The following CNTNAP2 variants were observed in gnomAD, a reference collection of about 807,000 sequenced individuals.
CNTNAP2 encodes the protein contactin associated protein 2, also known as contactin-associated protein-like 2.
A neutral mutation model predicts 155.2 loss-of-function variants in CNTNAP2; 98 were observed. That is an observed-to-expected ratio of 0.63 (90% CI 0.54 to 0.75). The LOEUF is 0.75. Ranked by LOEUF, CNTNAP2 falls within the 30% of genes least tolerant of loss-of-function variation. The pLI is 0.00. For synonymous variants in CNTNAP2, 651 were observed against 631.2 expected (o/e 1.03, Z -0.47); for missense variants, 1,727 against 1,688.1 (o/e 1.02, Z -0.40).
intron 1 of CNTNAP2, among the ~76,000 whole-genome samples, chr7:146,548,661 A>G (rs2693394): frequency 0.84 from 126,944 of 151,928 alleles, 53,631 homozygotes; most frequent in South Asian, 0.91. Context: ...GGTCAAGTCC[A>G]TAGCTCATTT....
intron 1 of CNTNAP2, among the ~76,000 whole-genome samples, chr7:146,490,505 G>C (rs902860377): frequency 2.0e-5 from 3 of 152,214 alleles, no homozygotes; most frequent in Non-Finnish European, 4.4e-5. Flanking sequence ...AGTAAAGGCT[G>C]ATAAATGTTT....
chr7:147,608,340 G>T (rs906146802), intron 12 of CNTNAP2, among the ~76,000 whole-genome samples: 1 of 151,440 alleles, frequency 6.6e-6, no homozygotes, highest in East Asian at 1.9e-4. Context: ...TTCCACAGGG[G>T]TCTATAATTT....
At chr7:146,472,850 G>A (rs1217416252) in intron 1 of CNTNAP2, among the ~76,000 whole-genome samples, 2 of 151,480 alleles carry the variant, frequency 1.3e-5, no homozygotes, top group East Asian at 1.9e-4. Context: ...TGCTCCTTGA[G>A]CTTAGAGCCT....
At chr7:147,607,954 C>G (rs1385820152) in intron 12 of CNTNAP2, among the ~76,000 whole-genome samples, 3 of 152,094 alleles carry the variant, frequency 2.0e-5, no homozygotes, top group Non-Finnish European at 2.9e-5. Context: ...TTAGATGACC[C>G]TAGCAGGTGC....
At chr7:147,514,541 C>A (rs1252506538) in intron 11 of CNTNAP2, among the ~76,000 whole-genome samples, 2 of 150,556 alleles carry the variant, frequency 1.3e-5, no homozygotes, top group African/African-American at 4.9e-5. Flanking sequence ...GGCACATGCC[C>A]AAGGGAATGA....
At chr7:147,518,963 G>T (rs1584786903) in intron 11 of CNTNAP2, among the ~76,000 whole-genome samples, 2 of 25,890 alleles carry the variant, frequency 7.7e-5, no homozygotes, top group South Asian at 7.5e-3. Context: ...CCCGGGAGGC[G>T]GAGGTTGCAG....
intron 1 of CNTNAP2, among the ~76,000 whole-genome samples, chr7:146,723,733 C>G (rs767416635): frequency 8.5e-5 from 13 of 152,088 alleles, no homozygotes; most frequent in Non-Finnish European, 1.3e-4. Flanking sequence ...GTAGCAAAAA[C>G]AAGGATACAA....
intron 10 of CNTNAP2, among the ~76,000 whole-genome samples, chr7:147,437,869 C>T (rs187562335): frequency 9.3e-4 from 142 of 152,016 alleles, no homozygotes; most frequent in Admixed American, 2.7e-3. Context: ...CAATTTCTTT[C>T]GTGTTTTATA....
intron 10 of CNTNAP2, among the ~76,000 whole-genome samples, chr7:147,477,601 CTTT>C (rs1798345045): frequency 2.0e-5 from 3 of 152,258 alleles, no homozygotes; most frequent in Admixed American, 2.0e-4. Flanking sequence ...ACTTTCAGTG[CTTT>C]CCATGCCTAG....
chr7:148,381,319 C>A (rs1014242043), intron 21 of CNTNAP2: 1 of 152,306 alleles, frequency 6.6e-6, no homozygotes, highest in African/African-American at 2.4e-5. Flanking sequence ...TAGCAGCATC[C>A]GAGCTCTTGT....
intron 4 of CNTNAP2, among the ~76,000 whole-genome samples, chr7:147,090,406 T>C (rs564754545): frequency 6.6e-5 from 10 of 151,950 alleles, no homozygotes; most frequent in African/African-American, 2.4e-4. Context: ...AGGCTAAATA[T>C]TAGCAAAAAG....
At chr7:146,521,036 C>A (rs1396936946) in intron 1 of CNTNAP2, among the ~76,000 whole-genome samples, 1 of 151,848 alleles carries the variant, frequency 6.6e-6, no homozygotes, top group Non-Finnish European at 1.5e-5. Flanking sequence ...AGTAGAGGAA[C>A]AAGAGTTCAG....
chr7:147,734,440 G>A (rs1796801045), intron 13 of CNTNAP2, among the ~76,000 whole-genome samples: 1 of 152,100 alleles, frequency 6.6e-6, no homozygotes, highest in African/African-American at 2.4e-5. Flanking sequence ...GGGGATTTTT[G>A]CATCAATGTT....
At chr7:146,747,039 A>T (rs1801820960) in intron 1 of CNTNAP2, among the ~76,000 whole-genome samples, 1 of 152,144 alleles carries the variant, frequency 6.6e-6, no homozygotes, top group South Asian at 2.1e-4. Context: ...GAATATGTTT[A>T]ATCCATCTAT....
At chr7:148,187,726 G>A (rs1360045424) in intron 18 of CNTNAP2, among the ~76,000 whole-genome samples, 1 of 152,066 alleles carries the variant, frequency 6.6e-6, no homozygotes, top group Non-Finnish European at 1.5e-5. Context: ...ACACTACATG[G>A]CCATACTCTG....
intron 8 of CNTNAP2, among the ~76,000 whole-genome samples, chr7:147,225,777 A>T (rs903312560): frequency 5.0e-5 from 7 of 139,072 alleles, no homozygotes; most frequent in African/African-American, 1.8e-4. Flanking sequence ...GAAGGAAGGA[A>T]GGAAGGAAGG....
At chr7:147,944,874 C>CT (rs1204296537) in intron 14 of CNTNAP2, among the ~76,000 whole-genome samples, 7 of 152,122 alleles carry the variant, frequency 4.6e-5, no homozygotes, top group African/African-American at 1.7e-4. Flanking sequence ...TCTAGCTACA[C>CT]TTTTTTTAGG....
chr7:146,911,923 G>A (rs186555346), intron 3 of CNTNAP2, among the ~76,000 whole-genome samples: 2 of 152,062 alleles, frequency 1.3e-5, no homozygotes, highest in East Asian at 1.9e-4. Flanking sequence ...TCATAGAGAG[G>A]TATAAATATT....
chr7:147,408,903 G>T (rs1797055695), intron 10 of CNTNAP2, among the ~76,000 whole-genome samples: 1 of 152,214 alleles, frequency 6.6e-6, no homozygotes, highest in Non-Finnish European at 1.5e-5. Flanking sequence ...GAGGTGATGA[G>T]AAATGAATTA....
Sources: allele counts gnomAD v4.1 joint callset (sites outside exome capture counted in the v4.1 genomes callset), GRCh38; gene constraint gnomAD v4.1.1; transcripts MANE v1.5; gene names NCBI Gene and HGNC (gene_info 2026-07-23, HGNC 2026-07-21).